CACNA1A: variants seen among roughly 807,000 people sequenced by gnomAD.
CACNA1A encodes calcium voltage-gated channel subunit alpha1 A.
In CACNA1A, 57 loss-of-function variants were observed where a neutral mutation model predicts 262.4. That is an observed-to-expected ratio of 0.22 (90% CI 0.18 to 0.27). The LOEUF (loss-of-function observed/expected upper bound fraction) is 0.27. Among genes scored for constraint, CACNA1A ranks in the 10% least tolerant of loss-of-function variants. The pLI is 1.00. For missense variants in CACNA1A, 2,526 were observed against 3,562.8 expected, an observed-to-expected ratio of 0.71 and a Z score of 7.41; for synonymous variants, 1,431 against 1,419.3, an observed-to-expected ratio of 1.01 and a Z score of -0.18.
intron 19 of CACNA1A, among the ~76,000 whole-genome samples, chr19:13,293,287 G>T (rs1348132597): frequency 6.6e-6 from 1 of 152,012 alleles, no homozygotes; most frequent in Non-Finnish European, 1.5e-5. Context: ...GGAGGCCAAA[G>T]TGGGAGAATT....
At chr19:13,281,207 C>T (rs1445669286) in intron 22 of CACNA1A, among the ~76,000 whole-genome samples, 1 of 151,156 alleles carries the variant, frequency 6.6e-6, no homozygotes, top group African/African-American at 2.4e-5. Context: ...TAGCGAGGCC[C>T]GTTTCTACAA....
intron 15 of CACNA1A, among the ~76,000 whole-genome samples, chr19:13,306,235 G>T (rs927263424): frequency 6.6e-6 from 1 of 152,154 alleles, no homozygotes; most frequent in African/African-American, 2.4e-5. Context: ...ATCCACCAAA[G>T]ATGCTCTGAA....
chr19:13,482,159 C>T (rs1979402909), intron 1 of CACNA1A, among the ~76,000 whole-genome samples: 1 of 152,086 alleles, frequency 6.6e-6, no homozygotes, highest in South Asian at 2.1e-4. Flanking sequence ...AACCAATAAC[C>T]ATCACCACCA....
At chr19:13,251,900 G>A (rs566691952) in intron 30 of CACNA1A, among the ~76,000 whole-genome samples, 1 of 151,080 alleles carries the variant, frequency 6.6e-6, no homozygotes, top group African/African-American at 2.4e-5. Flanking sequence ...GAGTAGCTGG[G>A]ATCATGGGCA....
At chr19:13,310,549 G>C (rs1423511970) in intron 12 of CACNA1A, among the ~76,000 whole-genome samples, 2 of 121,532 alleles carry the variant, frequency 1.6e-5, no homozygotes, top group Admixed American at 1.8e-4. Flanking sequence ...TTGTCCACTT[G>C]AACTTTGCAT....
intron 30 of CACNA1A, among the ~76,000 whole-genome samples, chr19:13,247,644 GAGC>G (rs201831534): frequency 0.22 from 33,598 of 151,522 alleles, 3,883 homozygotes; most frequent in Middle Eastern, 0.31. Flanking sequence ...AGCTTGCAGT[GAGC>G]AGAGATTGCA....
intron 6 of CACNA1A, among the ~76,000 whole-genome samples, chr19:13,336,655 G>A (rs2058581963): frequency 7.3e-6 from 1 of 136,062 alleles, no homozygotes; most frequent in East Asian, 2.1e-4. Flanking sequence ...AATGATAAAA[G>A]CCAGCACTTA....
In CACNA1A at chr19:13,286,889, C is replaced by A; in HGVS notation, c.3167G>T (p.Arg1056Leu). 1 of 1,613,370 alleles carries A rather than the reference C, an allele frequency of 6.2e-7. No individual in the cohort carries two copies. Among genetic ancestry groups the A allele is most frequent in the Non-Finnish European group, 8.5e-7 (1 of 1,179,810 alleles). The change falls in exon 20 of 47, where the codon CGC becomes CTC. Residue 1056 changes from arginine to leucine, a missense_variant. Arg to Leu is a moderately radical substitution (Grantham distance 102). This residue lies in a region of CACNA1A where 765 missense variants were observed against 748.6 expected (regional missense o/e 1.02). Transcript: ENST00000360228. ...TTRPIQQDLG[R>L]QDPPLAEDID... ...ATCCTCTGCCAGGGGTGGGTCTTGG[C>A]GGCCCAGGTCCTGCTGGATTGGCCG...
chr19:13,464,543 A>ATTTTTTTTTTTTTTTTTTT lies in CACNA1A; in HGVS notation c.294-9350_294-9332dup, dbSNP rs540418372. 2.0e-4 allele frequency among the ~76,000 whole-genome samples: 26 copies of ATTTTTTTTTTTTTTTTTTT among 128,940 alleles called. 1 individual carries two copies. The highest frequency in any genetic ancestry group is 7.2e-4 in the African/African-American group (23 of 32,066). 84.6% of individuals were successfully genotyped at this position (128,940 alleles called of 152,430 possible). A position where few individuals can be genotyped will look rare whatever the true frequency, so the allele number is the denominator to read the frequency against. ...CTGCTAATAGTAAATAACTTTTCCA[A>ATTTTTTTTTTTTTTTTTTT]TTTTTTTTTTTTTTTTTTTTTTAGA... On this transcript the variant is annotated intron_variant, in intron 1 of 46. Coordinates refer to ENST00000360228, the MANE Select transcript of CACNA1A (RefSeq NM_001127222.2).
At chr19:13,255,949 T>C (rs2056554453) in intron 28 of CACNA1A, among the ~76,000 whole-genome samples, 3 of 136,684 alleles carry the variant, frequency 2.2e-5, no homozygotes, top group Admixed American at 1.5e-4. Context: ...CCTCCTTTCT[T>C]TCTCTCTCTC....
At position 13,285,257 on chromosome 19, in the gene CACNA1A, C is replaced by T. The variant is rs1170231247; in HGVS notation, c.3554-51G>A. On this transcript the variant is annotated intron_variant, in intron 20 of 46. Coordinates refer to ENST00000360228, the MANE Select transcript of CACNA1A (RefSeq NM_001127222.2). Reference sequence around the variant, plus strand: ...GCTCCCTCCACAATTTCCCACAAGTCTCTGGGAACTCCTGTGTACTCCCAG... The same window carrying T: ...GCTCCCTCCACAATTTCCCACAAGTTTCTGGGAACTCCTGTGTACTCCCAG... 1.9e-6 allele frequency: 3 copies of T among 1,606,544 alleles called. No individual in the cohort carries two copies. The African/African-American group carries it at 4.0e-5, about 22-fold the overall frequency.
chr19:13,280,897 C>A (rs1358766624), intron 22 of CACNA1A, among the ~76,000 whole-genome samples: 1 of 141,994 alleles, frequency 7.0e-6, no homozygotes, highest in African/African-American at 2.6e-5. Flanking sequence ...GCCAAGATTG[C>A]ACCACTGCAC....
At chr19:13,448,285 T>C (rs2060853736) in intron 3 of CACNA1A, among the ~76,000 whole-genome samples, 1 of 151,900 alleles carries the variant, frequency 6.6e-6, no homozygotes, top group Non-Finnish European at 1.5e-5. Context: ...GTGTTCTAAG[T>C]GGGGGCTAAA....
intron 21 of CACNA1A, 118 bp downstream of exon 21, chr19:13,284,950 A>G (rs2057368459): frequency 2.1e-6 from 2 of 936,938 alleles, no homozygotes; most frequent in South Asian, 1.6e-5. Flanking sequence ...AACTTGTTCA[A>G]AGGTATCCCT....
At chr19:13,307,956 C>T in intron 14 of CACNA1A, 102 bp from the exon 15 acceptor site, 1 of 1,397,736 alleles carries the variant, frequency 7.2e-7, no homozygotes, top group Non-Finnish European at 1.0e-6. Context: ...TCCATCATCT[C>T]TGTCCCCAGG....
chr19:13,490,905 GAAGA>G (rs1182342406), intron 1 of CACNA1A, among the ~76,000 whole-genome samples: 1 of 134,300 alleles, frequency 7.4e-6, no homozygotes, highest in African/African-American at 2.7e-5. Flanking sequence ...AGTAAGGAAG[GAAGA>G]AGGAAGGGAG....
intron 10 of CACNA1A, among the ~76,000 whole-genome samples, chr19:13,328,399 G>A (rs1254211012): frequency 6.6e-6 from 1 of 152,178 alleles, no homozygotes; most frequent in African/African-American, 2.4e-5. Flanking sequence ...AATTAAAAAT[G>A]CAAATGAAAA....
chr19:13,344,213 C>T (rs1395584794), intron 6 of CACNA1A, among the ~76,000 whole-genome samples: 1 of 28,394 alleles, frequency 3.5e-5, no homozygotes, highest in Non-Finnish European at 7.5e-5. Context: ...GACTCTGTCT[C>T]AAAAAAGCAA....
rs756207130 is a variant in CACNA1A at position 13,212,345 on chromosome 19, G to T, written c.6189+39C>A. ...AGATCCCTTCCACCTGAACCACCCG[G>T]GCCCTGGGAGCCATTGGGGAGTTGG... On this transcript the variant is annotated intron_variant, in intron 42 of 46. Coordinates refer to ENST00000360228, the MANE Select transcript of CACNA1A (RefSeq NM_001127222.2). The surrounding 1 kb of genome is among the most constrained non-coding windows in gnomAD (Gnocchi z 5.6). 6.2e-6 allele frequency: 10 copies of T among 1,612,212 alleles called. No individual in the cohort carries two copies. The highest frequency in any genetic ancestry group is 8.5e-6 in the Non-Finnish European group (10 of 1,179,200).
Sources: gnomAD v4.1 joint callset for allele counts (sites outside exome capture counted in the v4.1 genomes callset) on GRCh38, gnomAD v4.1.1 for gene constraint, gnomAD v4.1.1 regional missense constraint, Gnocchi (gnomAD v3.1) non-coding constraint, MANE v1.5 for transcripts, NCBI Gene and HGNC (gene_info 2026-07-23, HGNC 2026-07-21) for gene names.